Variants in MEGF6 observed in about 807,000 individuals in gnomAD.
The protein encoded by MEGF6 is multiple EGF like domains 6.
A neutral mutation model predicts 207.1 loss-of-function variants in MEGF6; 184 were observed. The ratio of observed to expected loss-of-function variants is 0.89; its 90% CI spans 0.79 to 1.00. The LOEUF is 1.00. MEGF6 is among the 50% of genes least tolerant of loss of function. The probability of loss-of-function intolerance (pLI) is 0.00; values close to 1 mark genes in which losing one functional copy is unlikely to be tolerated. For missense variants in MEGF6, 2,282 were observed against 2,202.9 expected (o/e 1.04, Z -0.72); for synonymous variants, 1,038 against 910.0 (o/e 1.14, Z -2.53).
At chr1:3,514,445 G>A (rs904992744) in intron 7 of MEGF6, 105 bp downstream of exon 7, 5 of 1,403,656 alleles carry the variant, frequency 3.6e-6, no homozygotes, top group Admixed American at 2.4e-5. Flanking sequence ...AAAGGGCCTG[G>A]TCTCATGGGA....
rs559301729 is a variant in MEGF6, at chr1:3,539,983, G to C, written c.482-15737C>G. On this transcript the variant is annotated intron_variant, in intron 4 of 36. Transcript: ENST00000356575. ...CATCGAGGCTGGGATCCAAACCCAGGCCTTCTGGGCTGCTGCCTAAACCCA... is the reference window on the plus strand; with the variant it reads ...CATCGAGGCTGGGATCCAAACCCAGCCCTTCTGGGCTGCTGCCTAAACCCA... Among the ~76,000 whole-genome samples the C allele has an allele frequency of 7.2e-5, 11 of 152,280 alleles. No homozygotes were observed. In the South Asian group the frequency reaches 2.1e-3, roughly 29 times the overall value.
chr1:3,588,950 T>C, intron 3 of MEGF6, among the ~76,000 whole-genome samples: 1 of 152,110 alleles, frequency 6.6e-6, no homozygotes, highest in East Asian at 1.9e-4. Context: ...TATCCCCCTG[T>C]GGTGGGGTGG....
intron 4 of MEGF6, among the ~76,000 whole-genome samples, chr1:3,538,149 C>T (rs778075492): frequency 3.3e-5 from 5 of 152,330 alleles, no homozygotes; most frequent in Middle Eastern, 6.8e-3. Context: ...ATCTGCCTGG[C>T]GGTTTCCAAC....
rs377229562 is a variant in MEGF6 at position 3,501,905 on chromosome 1, C to T, written c.2205G>A (p.Thr735=). Residue 735 remains threonine, a synonymous_variant, in exon 18 of 37, where the codon ACG becomes ACA. Transcript: ENST00000356575. The part of the protein sequence containing the change: ...EDCGQECPVG[T]FGVNCSSSCS... ...AGGAGCTCGAGCAGTTCACGCCAAA[C>T]GTCCCCACCGGGCACTCTGCAGGAG... The T allele has an allele frequency of 7.1e-5, 113 of 1,597,806 alleles. No homozygotes were observed. Among genetic ancestry groups the T allele is most frequent in the African/African-American group, 6.0e-4 (44 of 73,620 alleles).
At chr1:3,546,633 G>T (rs559567942) in intron 4 of MEGF6, among the ~76,000 whole-genome samples, 6 of 147,292 alleles carry the variant, frequency 4.1e-5, no homozygotes, top group African/African-American at 1.5e-4. Context: ...GCCGAGGTGG[G>T]GTGGCAATGG....
At chr1:3,564,773 C>A (rs141922029) in intron 4 of MEGF6, among the ~76,000 whole-genome samples, 2 of 152,112 alleles carry the variant, frequency 1.3e-5, no homozygotes, top group African/African-American at 2.4e-5. Context: ...CTGCACCAGG[C>A]TCCCCCAAAG....
chr1:3,546,862 GC>G (rs1642728622), intron 4 of MEGF6: 3 of 162,846 alleles, frequency 1.8e-5, no homozygotes, highest in African/African-American at 7.5e-5. Flanking sequence ...GGCCGCCAAG[GC>G]AGGGTGGCAG....
intron 1 of MEGF6, among the ~76,000 whole-genome samples, chr1:3,603,845 C>T (rs1474755359): frequency 3.9e-5 from 6 of 152,254 alleles, no homozygotes; most frequent in Non-Finnish European, 7.3e-5. Flanking sequence ...CCAGGCCAGC[C>T]GCCCCCAGAT....
intron 4 of MEGF6, among the ~76,000 whole-genome samples, chr1:3,524,532 C>G (rs1237165894): frequency 1.3e-5 from 2 of 152,222 alleles, no homozygotes; most frequent in Non-Finnish European, 2.9e-5. Context: ...TAGCGCCTTT[C>G]AAGACTGAAC....
intron 4 of MEGF6, among the ~76,000 whole-genome samples, chr1:3,577,180 C>T (rs1401388047): frequency 6.6e-6 from 1 of 152,190 alleles, no homozygotes; most frequent in Non-Finnish European, 1.5e-5. Context: ...GGAGGCCGGG[C>T]AGCCACCCTC....
chr1:3,553,234 T>A (rs1473469766), intron 4 of MEGF6, among the ~76,000 whole-genome samples: 2 of 144,908 alleles, frequency 1.4e-5, no homozygotes, highest in Non-Finnish European at 3.0e-5. Flanking sequence ...CCACGGCCGA[T>A]CGGCTTTCCC....
chr1:3,516,207 T>C (rs1318294957), intron 5 of MEGF6, among the ~76,000 whole-genome samples: 2 of 152,150 alleles, frequency 1.3e-5, no homozygotes, highest in Non-Finnish European at 2.9e-5. Flanking sequence ...CTGTACCCCG[T>C]GGATGGATGG....
At chr1:3,525,471 G>A (rs921255816) in intron 4 of MEGF6, among the ~76,000 whole-genome samples, 4 of 152,240 alleles carry the variant, frequency 2.6e-5, no homozygotes, top group South Asian at 2.1e-4. Flanking sequence ...CAGACACCTC[G>A]CAGGACCCTT....
At chr1:3,501,448 G>A (rs1024906016) in intron 18 of MEGF6, 140 bp from the exon 19 acceptor site, 2 of 1,289,486 alleles carry the variant, frequency 1.6e-6, no homozygotes, top group African/African-American at 1.5e-5. Context: ...GGGGAGGGGA[G>A]AGGACCCGGG....
intron 1 of MEGF6, among the ~76,000 whole-genome samples, chr1:3,603,272 C>T (rs1046746313): frequency 4.0e-5 from 6 of 151,624 alleles, no homozygotes; most frequent in South Asian, 2.1e-4. Flanking sequence ...CCACCGGGCT[C>T]GGAGCAGGTG....
chr1:3,501,607 A>G (rs7516662), intron 18 of MEGF6, among the ~76,000 whole-genome samples, 189 bp downstream of exon 18: 143,178 of 152,144 alleles, frequency 0.94, 67,654 homozygotes, highest in East Asian at 1. Flanking sequence ...GCAGCCTGGA[A>G]GCCCCAGGAA....
At chr1:3,597,567 G>A (rs559375522) in intron 2 of MEGF6, among the ~76,000 whole-genome samples, 2 of 152,346 alleles carry the variant, frequency 1.3e-5, no homozygotes, top group East Asian at 3.9e-4. Flanking sequence ...ATTCACAGTG[G>A]ATGGGGGACC....
chr1:3,501,703 TC>T, intron 18 of MEGF6, 92 bp downstream of exon 18: 1 of 1,475,482 alleles, frequency 6.8e-7, no homozygotes, highest in Non-Finnish European at 9.0e-7. Context: ...GGGCCTGGGA[TC>T]CGCAGGGCTG....
chr1:3,615,267 AC>A (rs140597609), upstream of MEGF6, among the ~76,000 whole-genome samples: 597 of 152,118 alleles, frequency 3.9e-3, 6 homozygotes, highest in African/African-American at 0.013. Context: ...GCACTTTCTG[AC>A]CCCCCAAGGA....
Sources: allele counts gnomAD v4.1 joint callset (sites outside exome capture counted in the v4.1 genomes callset), GRCh38; gene constraint gnomAD v4.1.1; transcripts MANE v1.5; gene names NCBI Gene and HGNC (gene_info 2026-07-23, HGNC 2026-07-21).